The following ULK4 variants were observed in gnomAD, a reference collection of about 807,000 sequenced individuals.
ULK4 encodes unc-51 like kinase 4, also known as inactive serine/threonine-protein kinase ULK4.
A neutral mutation model predicts 160.6 loss-of-function variants in ULK4; 133 were observed. The ratio of observed to expected loss-of-function variants is 0.83; its 90% CI spans 0.72 to 0.96. ULK4 has a LOEUF of 0.96. ULK4 is among the 40% of genes least tolerant of loss of function. The probability of loss-of-function intolerance (pLI) is 0.00; values close to 1 mark genes in which losing one functional copy is unlikely to be tolerated. For missense variants in ULK4, 1,580 were observed against 1,499.5 expected, an observed-to-expected ratio of 1.05 and a Z score of -0.89; for synonymous variants, 534 against 539.8, an observed-to-expected ratio of 0.99 and a Z score of 0.15.
intron 2 of ULK4, among the ~76,000 whole-genome samples, chr3:41,947,324 A>C (rs183189398): frequency 6.6e-6 from 1 of 152,178 alleles, no homozygotes; most frequent in Admixed American, 6.6e-5. Flanking sequence ...GACACCTGAA[A>C]GTGTGGTTAT....
intron 27 of ULK4, among the ~76,000 whole-genome samples, chr3:41,686,480 TTA>T (rs2036105761): frequency 6.7e-6 from 1 of 150,068 alleles, no homozygotes; most frequent in South Asian, 2.1e-4. Context: ...CTTGGGTCTT[TTA>T]TGTGTGTGTG....
intron 35 of ULK4, chr3:41,258,313 TCTC>T (rs1575361534): frequency 6.6e-6 from 1 of 152,122 alleles, no homozygotes; most frequent in East Asian, 1.9e-4. Flanking sequence ...CACAAAGAAA[TCTC>T]CTCTCCATTT....
chr3:41,405,631 G>A lies in ULK4; in HGVS notation c.3493-7367C>T, dbSNP rs114302693. Among the ~76,000 whole-genome samples, 710 of 152,142 alleles carry A rather than the reference G, an allele frequency of 4.7e-3. 9 individuals carry two copies. Among genetic ancestry groups the A allele is most frequent in the African/African-American group, 0.016 (662 of 41,532 alleles). On this transcript the variant is annotated intron_variant, in intron 34 of 36. Transcript: ENST00000301831. ...CTCTTTTCTCCACAGTCTCACCAGC[G>A]TCTGTTTTTTGACATTTTAATAACA...
chr3:41,900,849 T>C lies in ULK4; in HGVS notation c.1183-20A>G, dbSNP rs778853941. The C allele has an allele frequency of 5.7e-6, 9 of 1,588,528 alleles. No individual in the cohort carries two copies. In the Admixed American group the frequency reaches 1.5e-4, roughly 27 times the overall value. ...TGTAATCTGAAATGAGAACAAAAAT[T>C]AGACTTTGTTTCTGCGACTAATGTA... is the stretch of plus-strand genomic sequence containing the variant. On this transcript the variant is annotated intron_variant, in intron 12 of 36. Coordinates refer to ENST00000301831, the MANE Select transcript of ULK4 (RefSeq NM_017886.4).
chr3:41,915,806 C>A (rs531496656), intron 8 of ULK4, among the ~76,000 whole-genome samples, 171 bp downstream of exon 8: 28 of 152,130 alleles, frequency 1.8e-4, no homozygotes, highest in Admixed American at 5.2e-4. Context: ...AGTCAGACTT[C>A]TTTAAAAAAT....
chr3:41,393,375 A>G (rs1307536270), intron 35 of ULK4, among the ~76,000 whole-genome samples: 2 of 152,132 alleles, frequency 1.3e-5, no homozygotes, highest in African/African-American at 4.8e-5. Flanking sequence ...CATGTTTAGT[A>G]AAGCTCTGGC....
chr3:41,782,563 A>G (rs1320025106), intron 21 of ULK4, among the ~76,000 whole-genome samples: 1 of 152,240 alleles, frequency 6.6e-6, no homozygotes, highest in Non-Finnish European at 1.5e-5. Flanking sequence ...ATCAAAAGAT[A>G]TAGAGACTGT....
At chr3:41,558,123 A>T (rs2087372772) in intron 32 of ULK4, among the ~76,000 whole-genome samples, 1 of 152,176 alleles carries the variant, frequency 6.6e-6, no homozygotes, top group Non-Finnish European at 1.5e-5. Flanking sequence ...TTTCTCCTAT[A>T]CATATTCCTG....
intron 34 of ULK4, among the ~76,000 whole-genome samples, chr3:41,451,545 G>A: frequency 6.6e-6 from 1 of 151,938 alleles, no homozygotes; most frequent in East Asian, 1.9e-4. Context: ...CAGAGACAAA[G>A]AGTGCCCCAT....
rs759394789 is a variant in ULK4 at position 41,705,235 on chromosome 3, T to C, written c.2686+19A>G. The C allele has an allele frequency of 2.5e-6, 4 of 1,613,354 alleles. No homozygotes were observed. Among genetic ancestry groups the C allele is most frequent in the South Asian group, 2.2e-5 (2 of 90,908 alleles). Reference sequence around the variant, plus strand: ...AAGTACCTCAAACAAAGACACAAAATGTTCCAGGGTCTACTCACCTATGGC... The same window carrying C: ...AAGTACCTCAAACAAAGACACAAAACGTTCCAGGGTCTACTCACCTATGGC... On this transcript the variant is annotated intron_variant, in intron 26 of 36. Coordinates refer to ENST00000301831, the MANE Select transcript of ULK4 (RefSeq NM_017886.4).
intron 22 of ULK4, among the ~76,000 whole-genome samples, chr3:41,739,476 A>C (rs1289365677): frequency 6.6e-6 from 1 of 151,930 alleles, no homozygotes; most frequent in African/African-American, 2.4e-5. Flanking sequence ...CAAATAATAC[A>C]TTGTGTTGCA....
At chr3:41,334,789 T>A (rs1460482929) in intron 35 of ULK4, among the ~76,000 whole-genome samples, 2 of 152,214 alleles carry the variant, frequency 1.3e-5, no homozygotes, top group Non-Finnish European at 2.9e-5. Context: ...TGGAAAAGAA[T>A]TAACCACAAA....
intron 32 of ULK4, among the ~76,000 whole-genome samples, chr3:41,494,669 A>T (rs2084920960): frequency 6.6e-6 from 1 of 152,212 alleles, no homozygotes; most frequent in South Asian, 2.1e-4. Context: ...ATGATTGTGT[A>T]TCTAGAAAAC....
At chr3:41,831,952 A>G (rs2041605157) in intron 18 of ULK4, among the ~76,000 whole-genome samples, 1 of 152,054 alleles carries the variant, frequency 6.6e-6, no homozygotes, top group African/African-American at 2.4e-5. Flanking sequence ...TCTATCATTG[A>G]TGGGCATTTG....
At position 41,450,839 on chromosome 3, in the gene ULK4, C is replaced by T. The variant is rs1461602215; in HGVS notation, c.3492+4658G>A. Among the ~76,000 whole-genome samples the T allele has an allele frequency of 2.0e-5, 3 of 152,260 alleles. No individual in the cohort carries two copies. In the South Asian group the frequency reaches 6.2e-4, roughly 32 times the overall value. ...AGAAGACATATGGCAGTGTTCTTGT[C>T]ACAGGCCATTTTTATACGTAATGGT... On this transcript the variant is annotated intron_variant, in intron 34 of 36. Coordinates refer to ENST00000301831, the MANE Select transcript of ULK4 (RefSeq NM_017886.4).
In ULK4 at chr3:41,919,809, A is replaced by C. The variant is rs1699123902; in HGVS notation, c.551T>G (p.Val184Gly). The change falls in exon 6 of 37, where the codon GTA (valine) becomes GGA (glycine). Residue 184 changes from valine to glycine, a missense_variant. Val to Gly is a moderately radical substitution (Grantham distance 109). Coordinates refer to ENST00000301831, the MANE Select transcript of ULK4 (RefSeq NM_017886.4). ...SMKSRVKGSPVYTAPEVVRGA... is the reference protein window; with the variant it reads ...SMKSRVKGSPGYTAPEVVRGA... ...CCTCACAACTTCTGGTGCTGTATATACAGGAGATCCTAAAAGCAAAGTATG... is the reference window on the plus strand; with the variant it reads ...CCTCACAACTTCTGGTGCTGTATATCCAGGAGATCCTAAAAGCAAAGTATG... 6.2e-7 allele frequency: 1 copy of C among 1,611,088 alleles called. No individual in the cohort carries two copies. Among genetic ancestry groups the C allele is most frequent in the East Asian group, 2.2e-5 (1 of 44,844 alleles).
At chr3:41,913,010 T>C in intron 8 of ULK4, 111 bp from the exon 9 acceptor site, 2 of 802,380 alleles carry the variant, frequency 2.5e-6, no homozygotes, top group Non-Finnish European at 3.9e-6. Context: ...ACATGTACCT[T>C]TGAAATCATT....
intron 32 of ULK4, among the ~76,000 whole-genome samples, chr3:41,474,437 G>A (rs1216483390): frequency 2.0e-5 from 3 of 152,064 alleles, no homozygotes; most frequent in Non-Finnish European, 2.9e-5. Context: ...AAAAACACAA[G>A]ACACTATTCT....
chr3:41,528,275 C>A (rs2086185860), intron 32 of ULK4, among the ~76,000 whole-genome samples: 1 of 152,214 alleles, frequency 6.6e-6, no homozygotes, highest in Admixed American at 6.5e-5. Context: ...TTTACTCCTA[C>A]ACTGAAATAT....
Sources: gnomAD v4.1 joint callset for allele counts (sites outside exome capture counted in the v4.1 genomes callset) on GRCh38, gnomAD v4.1.1 for gene constraint, MANE v1.5 for transcripts, NCBI Gene and HGNC (gene_info 2026-07-23, HGNC 2026-07-21) for gene names.